The following ASXL2 variants were observed in gnomAD, a reference collection of about 807,000 sequenced individuals.
ASXL2 encodes putative Polycomb group protein ASXL2.
In ASXL2, 23 loss-of-function variants were observed where a neutral mutation model predicts 122.0. The observed-to-expected ratio is 0.19, with a 90% CI of 0.14 to 0.27. The LOEUF is 0.27. Among genes scored for constraint, ASXL2 ranks in the 10% least tolerant of loss-of-function variants. The probability of loss-of-function intolerance (pLI) is 1.00; values close to 1 mark genes in which losing one functional copy is unlikely to be tolerated. For synonymous variants in ASXL2, 650 were observed against 637.0 expected (o/e 1.02, Z -0.31); for missense variants, 1,518 against 1,713.8 (o/e 0.89, Z 2.02).
At position 25,739,116 on chromosome 2, in the gene ASXL2, A is replaced by G. The variant is rs1159089263; in HGVS notation, c.*2913T>C. 1 of 152,302 alleles carries G rather than the reference A, an allele frequency of 6.6e-6. No homozygotes were observed. The highest frequency in any genetic ancestry group is 1.5e-5 in the Non-Finnish European group (1 of 68,080). The allele number at this position is 152,302 out of a possible 1,614,324, so 9.4% of individuals were successfully genotyped here. A position where few individuals can be genotyped will look rare whatever the true frequency, so the allele number is the denominator to read the frequency against. The stretch of plus-strand genomic sequence containing the variant: ...CTCCTGGGGTGACCTGCAGTGGAGG[A>G]CATCTGAAGGCTAGATAGGGGTGCA... On this transcript the variant is annotated 3_prime_UTR_variant, in exon 13 of 13. Transcript: ENST00000435504.
chr2:25,785,465 T>C (rs150509649), intron 5 of ASXL2, among the ~76,000 whole-genome samples: 126 of 152,082 alleles, frequency 8.3e-4, no homozygotes, highest in African/African-American at 2.8e-3. Context: ...CCTCAAGTGA[T>C]TGGCCCACCT....
chr2:25,834,915 T>C (rs1049289448), intron 3 of ASXL2, among the ~76,000 whole-genome samples: 4 of 151,998 alleles, frequency 2.6e-5, no homozygotes, highest in Non-Finnish European at 5.9e-5. Context: ...CTCCACCTTG[T>C]GGGTTCAAGC....
At chr2:25,865,733 C>T (rs2089895850) in intron 1 of ASXL2, among the ~76,000 whole-genome samples, 1 of 139,182 alleles carries the variant, frequency 7.2e-6, no homozygotes, top group Non-Finnish European at 1.5e-5. Context: ...CGAGATCGCG[C>T]CACTGGACTC....
intron 2 of ASXL2, among the ~76,000 whole-genome samples, chr2:25,839,614 CTT>C (rs35346359): frequency 6.4e-4 from 68 of 106,950 alleles, no homozygotes; most frequent in South Asian, 1.0e-3. Context: ...GAAATTCTAT[CTT>C]TTTTTTTTTT....
At chr2:25,795,130 A>T (rs2088893737) in intron 5 of ASXL2, among the ~76,000 whole-genome samples, 2 of 152,188 alleles carry the variant, frequency 1.3e-5, no homozygotes, top group South Asian at 4.1e-4. Flanking sequence ...CATCATGCGC[A>T]CCTCTCACCT....
chr2:25,751,440 C>A (rs536551589), intron 11 of ASXL2, among the ~76,000 whole-genome samples: 1 of 152,076 alleles, frequency 6.6e-6, no homozygotes, highest in African/African-American at 2.4e-5. Context: ...TTGAAACCAG[C>A]CTGTGCAACA....
At chr2:25,751,174 T>A (rs2088038133) in intron 11 of ASXL2, among the ~76,000 whole-genome samples, 1 of 152,198 alleles carries the variant, frequency 6.6e-6, no homozygotes. Context: ...ACATGTAAAA[T>A]CAATGAGCCT....
intron 8 of ASXL2, among the ~76,000 whole-genome samples, chr2:25,761,588 G>C (rs928295065): frequency 6.6e-6 from 1 of 151,186 alleles, no homozygotes; most frequent in African/African-American, 2.4e-5. Flanking sequence ...CAGGAGAATG[G>C]CGTGAACCCG....
At chr2:25,798,912 T>C (rs540482772) in intron 5 of ASXL2, among the ~76,000 whole-genome samples, 4 of 152,318 alleles carry the variant, frequency 2.6e-5, no homozygotes, top group South Asian at 4.1e-4. Context: ...CCATAGGATG[T>C]ACTCTCCCAA....
chr2:25,792,807 T>C (rs1182022394), intron 5 of ASXL2, among the ~76,000 whole-genome samples: 2 of 151,898 alleles, frequency 1.3e-5, no homozygotes, highest in Non-Finnish European at 2.9e-5. Flanking sequence ...GGTTTCACCA[T>C]GTTGACCAGG....
intron 1 of ASXL2, among the ~76,000 whole-genome samples, chr2:25,864,295 A>C (rs1205093653): frequency 6.6e-6 from 1 of 152,132 alleles, no homozygotes; most frequent in Non-Finnish European, 1.5e-5. Flanking sequence ...AAAACTAAGA[A>C]AGAAACATTA....
intron 5 of ASXL2, among the ~76,000 whole-genome samples, chr2:25,797,742 C>T (rs779491878): frequency 7.2e-5 from 11 of 152,148 alleles, no homozygotes; most frequent in Non-Finnish European, 1.5e-4. Flanking sequence ...TAAATGCTGA[C>T]GAGGACATGA....
chr2:25,812,471 C>T (rs1485296708), intron 3 of ASXL2, among the ~76,000 whole-genome samples: 1 of 152,078 alleles, frequency 6.6e-6, no homozygotes, highest in South Asian at 2.1e-4. Flanking sequence ...CAAATAACAA[C>T]AACAATAACA....
Position 25,870,765 on chromosome 2 carries a change from T to C in ASXL2, c.57+7401A>G, listed in dbSNP as rs535681364. Among the ~76,000 whole-genome samples, 8 of 152,254 alleles carry C rather than the reference T, an allele frequency of 5.3e-5. No homozygotes were observed. The South Asian group carries it at 6.2e-4, about 12-fold the overall frequency. On this transcript the variant is annotated intron_variant, in intron 1 of 12. Transcript: ENST00000435504. ...CCATGATATTCATAAAATAAAGTTA[T>C]AGAATTTCATGTAAAATAAAGGTAT...
intron 5 of ASXL2, among the ~76,000 whole-genome samples, chr2:25,773,776 C>T (rs1357532164): frequency 6.6e-6 from 1 of 151,810 alleles, no homozygotes; most frequent in Non-Finnish European, 1.5e-5. Context: ...GCGGCTCACA[C>T]CTATAATCCC....
At chr2:25,806,190 G>GT (rs1183532644) in intron 4 of ASXL2, 39 bp downstream of exon 4, 5 of 1,361,700 alleles carry the variant, frequency 3.7e-6, no homozygotes, top group Admixed American at 3.8e-5. Flanking sequence ...GTCACTTCCT[G>GT]TTTTTTCTTT....
At chr2:25,873,039 C>A (rs1177550718) in intron 1 of ASXL2, among the ~76,000 whole-genome samples, 5 of 152,112 alleles carry the variant, frequency 3.3e-5, no homozygotes, top group African/African-American at 1.2e-4. Context: ...CACCCATCAC[C>A]CGAGCGGTGT....
intron 3 of ASXL2, among the ~76,000 whole-genome samples, chr2:25,808,338 T>G (rs997824890): frequency 2.0e-5 from 3 of 152,108 alleles, no homozygotes; most frequent in Middle Eastern, 3.2e-3. Context: ...GAAGCAAATT[T>G]GTTTTTGTTT....
intron 5 of ASXL2, among the ~76,000 whole-genome samples, chr2:25,798,153 C>T (rs1049306465): frequency 6.6e-6 from 1 of 152,134 alleles, no homozygotes; most frequent in African/African-American, 2.4e-5. Context: ...GGGAACAACA[C>T]ACACTGGGGC....
Sources: allele counts gnomAD v4.1 joint callset (sites outside exome capture counted in the v4.1 genomes callset), GRCh38; gene constraint gnomAD v4.1.1; transcripts MANE v1.5; gene names NCBI Gene and HGNC (gene_info 2026-07-23, HGNC 2026-07-21).